The following DMRT1 variants were observed in gnomAD, a reference collection of about 807,000 sequenced individuals.
DMRT1 encodes doublesex- and mab-3-related transcription factor 1.
A neutral mutation model predicts 32.3 loss-of-function variants in DMRT1; 7 were observed. The ratio of observed to expected loss-of-function variants is 0.22; its 90% confidence interval spans 0.12 to 0.41. The LOEUF (loss-of-function observed/expected upper bound fraction) is 0.41. Ranked by LOEUF, DMRT1 falls within the 10% of genes least tolerant of loss-of-function variation. The pLI is 1.00. For missense variants in DMRT1, 625 were observed against 500.5 expected, an observed-to-expected ratio of 1.25 and a Z score of -2.37; for synonymous variants, 278 against 206.1, an observed-to-expected ratio of 1.35 and a Z score of -2.99.
At chr9:858,873 ATAT>A (rs1564201489) in intron 2 of DMRT1, among the ~76,000 whole-genome samples, 12 of 31,362 alleles carry the variant, frequency 3.8e-4, no homozygotes, top group African/African-American at 1.1e-3. Context: ...AAAAAAAAAT[ATAT>A]ATATATATAT....
At chr9:884,563 A>G (rs762645875) in intron 2 of DMRT1, among the ~76,000 whole-genome samples, 1 of 152,096 alleles carries the variant, frequency 6.6e-6, no homozygotes, top group African/African-American at 2.4e-5. Flanking sequence ...GCTATTGGTA[A>G]TTTTTCCAGA....
intron 2 of DMRT1, among the ~76,000 whole-genome samples, chr9:866,285 A>G (rs941930069): frequency 2.0e-5 from 3 of 152,042 alleles, no homozygotes; most frequent in East Asian, 1.9e-4. Context: ...ATGCACATTT[A>G]GAAATCGTCA....
chr9:852,062 CTT>C (rs1172454953), intron 2 of DMRT1, among the ~76,000 whole-genome samples: 2 of 151,636 alleles, frequency 1.3e-5, no homozygotes, highest in Admixed American at 6.6e-5. Context: ...GCCTGAGCCT[CTT>C]GAGTAGCTGG....
intron 1 of DMRT1, among the ~76,000 whole-genome samples, chr9:844,697 AGTT>A (rs1462009264): frequency 6.7e-6 from 1 of 148,470 alleles, no homozygotes; most frequent in Admixed American, 6.7e-5. Context: ...TATAAATTGT[AGTT>A]GTTTTTCTTT....
chr9:853,008 A>T (rs1815228149), intron 2 of DMRT1, among the ~76,000 whole-genome samples: 1 of 152,340 alleles, frequency 6.6e-6, no homozygotes, highest in South Asian at 2.1e-4. Flanking sequence ...ATGGAATAGT[A>T]TCCCATGCAG....
At chr9:898,364 C>T (rs981244569) in intron 3 of DMRT1, among the ~76,000 whole-genome samples, 1 of 152,164 alleles carries the variant, frequency 6.6e-6, no homozygotes, top group South Asian at 2.1e-4. Flanking sequence ...AAGTGATCCG[C>T]CCACTCGGCC....
In DMRT1 at chr9:928,915, G is replaced by T. The variant is rs984339041; in HGVS notation, c.967+12008G>T. Among the ~76,000 whole-genome samples the T allele has an allele frequency of 2.6e-5, 4 of 150,996 alleles. No homozygotes were observed. In the East Asian group the frequency reaches 5.9e-4, roughly 22 times the overall value. On this transcript the variant is annotated intron_variant, in intron 4 of 4. Transcript: ENST00000382276. ...TGCAGTGGTGTGATCTTGGCTCACT[G>T]CAACCTCCGCCTCCCAGATTCAAGA...
At chr9:865,928 C>A (rs921759965) in intron 2 of DMRT1, among the ~76,000 whole-genome samples, 1 of 152,030 alleles carries the variant, frequency 6.6e-6, no homozygotes, top group Non-Finnish European at 1.5e-5. Flanking sequence ...CTTTGGGAGG[C>A]CAAGGTGGGC....
At chr9:846,505 C>T (rs953962252) in intron 1 of DMRT1, among the ~76,000 whole-genome samples, 32 of 152,292 alleles carry the variant, frequency 2.1e-4, no homozygotes, top group African/African-American at 7.5e-4. Context: ...TTGTACTCCT[C>T]CCCTTGGCTG....
rs1816314688 is a variant in DMRT1 at position 872,461 on chromosome 9, T to C, written c.539-21451T>C. Among the ~76,000 whole-genome samples the C allele has an allele frequency of 2.0e-5, 3 of 152,210 alleles. No homozygotes were observed. In the South Asian group the frequency reaches 6.2e-4, roughly 31 times the overall value. On this transcript the variant is annotated intron_variant, in intron 2 of 4. Transcript: ENST00000382276. ...CATTCTCATACCATCTCCAAAAAAC[T>C]CATACCCATTACTGGTTACTGGGTT...
chr9:842,230 GTTTTTTTT>G (rs780064237), intron 1 of DMRT1, 38 bp downstream of exon 1: 6 of 1,267,082 alleles, frequency 4.7e-6, no homozygotes, highest in South Asian at 1.6e-5. Context: ...TTCAGCCTTA[GTTTTTTTT>G]TTTTTTTTTT....
chr9:928,700 T>TTA (rs1818610725), intron 4 of DMRT1, among the ~76,000 whole-genome samples: 1 of 152,134 alleles, frequency 6.6e-6, no homozygotes, highest in South Asian at 2.1e-4. Context: ...ATCACTTTAT[T>TTA]AAGATTTCGA....
chr9:850,038 C>T (rs1465279258), intron 2 of DMRT1, among the ~76,000 whole-genome samples: 3 of 152,162 alleles, frequency 2.0e-5, no homozygotes, highest in African/African-American at 7.2e-5. Flanking sequence ...AGGCTGGTCT[C>T]GAACTCCCGA....
intron 4 of DMRT1, among the ~76,000 whole-genome samples, chr9:918,973 G>T (rs1272843996): frequency 6.6e-6 from 1 of 152,178 alleles, no homozygotes; most frequent in Admixed American, 6.5e-5. Flanking sequence ...AGTTTTATCA[G>T]CATTGACACA....
At chr9:896,884 T>A (rs1052576322) in intron 3 of DMRT1, among the ~76,000 whole-genome samples, 1 of 152,076 alleles carries the variant, frequency 6.6e-6, no homozygotes, top group Non-Finnish European at 1.5e-5. Flanking sequence ...CTCTGACCCA[T>A]TCTGTTCCAT....
chr9:860,652 G>C (rs889613434), intron 2 of DMRT1, among the ~76,000 whole-genome samples: 1 of 152,294 alleles, frequency 6.6e-6, no homozygotes, highest in East Asian at 1.9e-4. Flanking sequence ...TAAGATATTT[G>C]CAGTAAGTGG....
At chr9:849,670 G>C (rs73382566) in intron 2 of DMRT1, among the ~76,000 whole-genome samples, 100 of 152,312 alleles carry the variant, frequency 6.6e-4, no homozygotes, top group African/African-American at 1.7e-3. Context: ...CTGTGGAGTT[G>C]ACAGACCTTG....
chr9:912,761 A>C (rs1412882102), intron 3 of DMRT1, among the ~76,000 whole-genome samples: 2 of 151,860 alleles, frequency 1.3e-5, no homozygotes, highest in Non-Finnish European at 2.9e-5. Flanking sequence ...GTAATTGTAG[A>C]GCACTGGTTC....
At chr9:892,644 T>C (rs891045497) in intron 2 of DMRT1, among the ~76,000 whole-genome samples, 12 of 152,132 alleles carry the variant, frequency 7.9e-5, no homozygotes, top group African/African-American at 2.9e-4. Context: ...CTCTCTCTCC[T>C]TCACTTGCCC....
Sources: gnomAD v4.1 joint callset for allele counts (sites outside exome capture counted in the v4.1 genomes callset) on GRCh38, gnomAD v4.1.1 for gene constraint, MANE v1.5 for transcripts, NCBI Gene and HGNC (gene_info 2026-07-23, HGNC 2026-07-21) for gene names.